Variants in CADPS observed in about 807,000 individuals in gnomAD.
CADPS encodes the protein calcium-dependent secretion activator 1.
Under a neutral mutation model 167.3 loss-of-function variants are expected in CADPS, and 57 were observed. That is an observed-to-expected ratio of 0.34 (90% CI 0.28 to 0.42). The LOEUF (loss-of-function observed/expected upper bound fraction) is 0.42, where lower values mean the gene tolerates loss of function less well. CADPS is among the 20% of genes least tolerant of loss of function. CADPS has a pLI of 1.00. For missense variants in CADPS, 1,414 were observed against 1,738.1 expected, an observed-to-expected ratio of 0.81 and a Z score of 3.32; for synonymous variants, 676 against 635.3, an observed-to-expected ratio of 1.06 and a Z score of -0.96.
At chr3:62,511,107 C>T (rs968816700) in intron 17 of CADPS, among the ~76,000 whole-genome samples, 2 of 152,088 alleles carry the variant, frequency 1.3e-5, no homozygotes, top group East Asian at 3.9e-4. Flanking sequence ...ATCACCTTTG[C>T]AGTTGAGACC....
At chr3:62,770,429 G>C (rs1301844226) in intron 1 of CADPS, among the ~76,000 whole-genome samples, 1 of 151,876 alleles carries the variant, frequency 6.6e-6, no homozygotes, top group Non-Finnish European at 1.5e-5. Context: ...TTTTTTGTTT[G>C]TTTGTTTGTT....
intron 28 of CADPS, among the ~76,000 whole-genome samples, chr3:62,435,136 C>T (rs2054733435): frequency 6.6e-6 from 1 of 152,176 alleles, no homozygotes; most frequent in Admixed American, 6.5e-5. Context: ...AAAAATCTCA[C>T]AGAGCAACAA....
chr3:62,623,595 T>C (rs2063518818), intron 6 of CADPS, among the ~76,000 whole-genome samples: 1 of 152,158 alleles, frequency 6.6e-6, no homozygotes, highest in African/African-American at 2.4e-5. Context: ...TTACAATAAA[T>C]TCCTAGTCCT....
chr3:62,536,316 G>T, intron 12 of CADPS, 129 bp downstream of exon 12: 1 of 778,704 alleles, frequency 1.3e-6, no homozygotes. Flanking sequence ...CCAGGAAATC[G>T]GGAACACATT....
intron 28 of CADPS, among the ~76,000 whole-genome samples, chr3:62,437,340 C>CT (rs11295364): frequency 0.011 from 1,457 of 128,182 alleles, 23 homozygotes; most frequent in African/African-American, 0.026. Context: ...AAGCAGGTTC[C>CT]TTTTTTTTTT....
intron 6 of CADPS, among the ~76,000 whole-genome samples, chr3:62,628,503 G>A (rs2149632863): frequency 6.6e-6 from 1 of 151,974 alleles, no homozygotes; most frequent in East Asian, 1.9e-4. Context: ...CTGCTCTTTT[G>A]CAACTGTCTG....
chr3:62,534,729 T>C (rs2074345424), intron 12 of CADPS, among the ~76,000 whole-genome samples: 1 of 152,176 alleles, frequency 6.6e-6, no homozygotes, highest in African/African-American at 2.4e-5. Flanking sequence ...AAAAAGATTG[T>C]AATAATGAGA....
intron 6 of CADPS, among the ~76,000 whole-genome samples, chr3:62,609,966 A>G (rs1251469474): frequency 6.6e-6 from 1 of 151,970 alleles, no homozygotes; most frequent in Non-Finnish European, 1.5e-5. Flanking sequence ...GTCCGTGCCT[A>G]TAGTCCCAAC....
chr3:62,426,671 A>G (rs1020363313), intron 28 of CADPS, among the ~76,000 whole-genome samples: 2 of 152,216 alleles, frequency 1.3e-5, no homozygotes, highest in African/African-American at 4.8e-5. Flanking sequence ...CCGATGTCAC[A>G]CAGCTAGTAA....
chr3:62,815,663 T>C (rs901903976), intron 1 of CADPS, among the ~76,000 whole-genome samples: 1 of 152,180 alleles, frequency 6.6e-6, no homozygotes, highest in African/African-American at 2.4e-5. Context: ...ATTGGTCATA[T>C]TGTGCTGCTT....
rs186331420 is a variant in CADPS, at chr3:62,834,981, C to T, written c.441+39608G>A. 2.7e-3 allele frequency among the ~76,000 whole-genome samples: 406 copies of T among 152,190 alleles called. 1 individual carries two copies. Among genetic ancestry groups the T allele is most frequent in the South Asian group, 6.6e-3 (32 of 4,818 alleles). On this transcript the variant is annotated intron_variant, in intron 1 of 29. Coordinates refer to ENST00000383710, the MANE Select transcript of CADPS (RefSeq NM_003716.4). ...AATATGGAATTTTACTTCCATTTTC[C>T]ATGGGTTTGGAAGATGGGATAATAT...
Position 62,857,211 on chromosome 3 carries a change from A to G in CADPS, c.441+17378T>C, listed in dbSNP as rs570590887. Among the ~76,000 whole-genome samples the G allele has an allele frequency of 1.0e-3, 153 of 152,248 alleles. 1 individual carries two copies. The highest frequency in any genetic ancestry group is 3.4e-3 in the African/African-American group (142 of 41,578). On this transcript the variant is annotated intron_variant, in intron 1 of 29. Coordinates refer to ENST00000383710, the MANE Select transcript of CADPS (RefSeq NM_003716.4). ...TATAAAGAGACAATAAATATGTAAAAAAGAAATGCAAATACAGAATTTTAA... is the reference window on the plus strand; with the variant it reads ...TATAAAGAGACAATAAATATGTAAAGAAGAAATGCAAATACAGAATTTTAA...
intron 3 of CADPS, among the ~76,000 whole-genome samples, chr3:62,735,374 T>G (rs1302356596): frequency 6.6e-6 from 1 of 152,158 alleles, no homozygotes; most frequent in African/African-American, 2.4e-5. Flanking sequence ...CAATAAATGT[T>G]ACTCTGCGCT....
intron 1 of CADPS, among the ~76,000 whole-genome samples, chr3:62,783,650 T>C: frequency 6.6e-6 from 1 of 152,172 alleles, no homozygotes; most frequent in East Asian, 1.9e-4. Flanking sequence ...AAAAAAGATA[T>C]ATATGTAAGA....
intron 26 of CADPS, among the ~76,000 whole-genome samples, chr3:62,459,593 G>A (rs2059094940): frequency 6.6e-6 from 1 of 152,206 alleles, no homozygotes; most frequent in South Asian, 2.1e-4. Flanking sequence ...CAGCCCAAAT[G>A]TCATTTCCTT....
intron 3 of CADPS, among the ~76,000 whole-genome samples, chr3:62,674,631 G>A (rs997991233): frequency 3.3e-5 from 5 of 151,910 alleles, no homozygotes; most frequent in Non-Finnish European, 7.4e-5. Context: ...AAGAGTAAGC[G>A]GCCAAATTCT....
rs2058521731 is a variant in CADPS, at chr3:62,455,047, T to C, written c.3637-9250A>G. On this transcript the variant is annotated intron_variant, in intron 26 of 29. Coordinates refer to ENST00000383710, the MANE Select transcript of CADPS (RefSeq NM_003716.4). The surrounding 1 kb of genome is among the most constrained non-coding windows in gnomAD (Gnocchi z 4.4). ...TTAGGAGCCGCAGCCTCATTAACGATGAGAATTGTTCTCATCTCCTGTTGT... is the reference window on the plus strand; with the variant it reads ...TTAGGAGCCGCAGCCTCATTAACGACGAGAATTGTTCTCATCTCCTGTTGT... Among the ~76,000 whole-genome samples, 1 of 152,074 alleles carries C rather than the reference T, an allele frequency of 6.6e-6. No individual in the cohort carries two copies. Among genetic ancestry groups the C allele is most frequent in the African/African-American group, 2.4e-5 (1 of 41,412 alleles).
Position 62,708,369 on chromosome 3 carries a change from A to G in CADPS, c.888+45072T>C, listed in dbSNP as rs146900617. ...GATGTATATATATGTGTGGATATAT[A>G]TTTTAGTACATATCCAACATTGTGC... is the stretch of plus-strand genomic sequence containing the variant. On this transcript the variant is annotated intron_variant, in intron 3 of 29. Coordinates refer to ENST00000383710, the MANE Select transcript of CADPS (RefSeq NM_003716.4). Among the ~76,000 whole-genome samples, 277 of 152,192 alleles carry G rather than the reference A, an allele frequency of 1.8e-3. 1 individual carries two copies. Among genetic ancestry groups the G allele is most frequent in the African/African-American group, 6.4e-3 (264 of 41,486 alleles).
rs191762251 is a variant in CADPS at position 62,728,619 on chromosome 3, G to A, written c.888+24822C>T. On this transcript the variant is annotated intron_variant, in intron 3 of 29. Transcript: ENST00000383710. ...ATTCATTGTTGTTTCATTTCCAAAT[G>A]TAAATGTTCTCTTAATGATAATAAC... Among the ~76,000 whole-genome samples the A allele has an allele frequency of 1.3e-4, 20 of 151,992 alleles. No individual in the cohort carries two copies. In the East Asian group the frequency reaches 3.9e-3, roughly 29 times the overall value.
Sources: allele counts gnomAD v4.1 joint callset (sites outside exome capture counted in the v4.1 genomes callset), GRCh38; gene constraint gnomAD v4.1.1; non-coding constraint Gnocchi (gnomAD v3.1); transcripts MANE v1.5; gene names NCBI Gene and HGNC (gene_info 2026-07-23, HGNC 2026-07-21).